ZCCHC14: variants seen among roughly 807,000 people sequenced by gnomAD.
ZCCHC14 encodes zinc finger CCHC domain-containing protein 14.
In ZCCHC14, 16 loss-of-function variants were observed where a neutral mutation model predicts 85.0. That is an observed-to-expected ratio of 0.19 (90% confidence interval 0.13 to 0.29). The LOEUF (loss-of-function observed/expected upper bound fraction) is 0.29. Ranked by LOEUF, ZCCHC14 falls within the 10% of genes least tolerant of loss-of-function variation. The probability of loss-of-function intolerance (pLI) is 1.00; values close to 1 mark genes in which losing one functional copy is unlikely to be tolerated. For missense variants in ZCCHC14, 1,303 were observed against 1,443.5 expected, an observed-to-expected ratio of 0.90 and a Z score of 1.58; for synonymous variants, 775 against 630.7, an observed-to-expected ratio of 1.23 and a Z score of -3.43.
At chr16:87,441,288 G>A (rs902685741) in intron 2 of ZCCHC14, among the ~76,000 whole-genome samples, 8 of 152,262 alleles carry the variant, frequency 5.3e-5, no homozygotes, top group South Asian at 2.1e-4. Context: ...CACCATGCCC[G>A]GCCTCCCATA....
intron 4 of ZCCHC14, among the ~76,000 whole-genome samples, chr16:87,421,866 C>T (rs1331586133): frequency 6.6e-6 from 1 of 152,046 alleles, no homozygotes; most frequent in Non-Finnish European, 1.5e-5. Flanking sequence ...ATAAATCTCG[C>T]TCTCCTCCGG....
intron 2 of ZCCHC14, among the ~76,000 whole-genome samples, chr16:87,435,723 C>G (rs1047760305): frequency 6.6e-6 from 1 of 152,266 alleles, no homozygotes. Context: ...GTGCATCTCA[C>G]GGATGCGGGA....
chr16:87,463,277 G>T (rs976786254), intron 1 of ZCCHC14, among the ~76,000 whole-genome samples: 3 of 152,116 alleles, frequency 2.0e-5, no homozygotes, highest in Admixed American at 1.3e-4. Flanking sequence ...AACTACTTGG[G>T]AGGCTAAGGT....
Position 87,411,499 on chromosome 16 carries a change from C to A in ZCCHC14, c.3205+17G>T, listed in dbSNP as rs757110328. On this transcript the variant is annotated intron_variant, in intron 12 of 12. Transcript: ENST00000671377. ...TCCTGCGGGAGCCTGGTGGGCGCGG[C>A]CATGGCGCGCGCTTACCTGGCCGGT... 6.2e-7 allele frequency: 1 copy of A among 1,612,478 alleles called. No homozygotes were observed. Among genetic ancestry groups the A allele is most frequent in the Non-Finnish European group, 8.5e-7 (1 of 1,179,628 alleles).
chr16:87,476,261 T>C (rs537504424), intron 1 of ZCCHC14, among the ~76,000 whole-genome samples: 2 of 152,218 alleles, frequency 1.3e-5, no homozygotes, highest in Admixed American at 6.5e-5. Context: ...ACAAACTGGA[T>C]CGGTAAGGAA....
At chr16:87,426,553 T>C (rs1909381487) in intron 3 of ZCCHC14, among the ~76,000 whole-genome samples, 1 of 152,176 alleles carries the variant, frequency 6.6e-6, no homozygotes, top group Non-Finnish European at 1.5e-5. Flanking sequence ...CACTGTGGAC[T>C]GGCTCTGAAC....
intron 1 of ZCCHC14, among the ~76,000 whole-genome samples, chr16:87,464,330 C>T (rs979220135): frequency 2.0e-5 from 3 of 152,158 alleles, no homozygotes; most frequent in Admixed American, 6.5e-5. Context: ...TTTCTGGAAA[C>T]GGGGCTTCTT....
chr16:87,478,756 G>A (rs1276567311), intron 1 of ZCCHC14, among the ~76,000 whole-genome samples: 3 of 151,994 alleles, frequency 2.0e-5, no homozygotes, highest in African/African-American at 7.2e-5. Context: ...ACAGGCGCCC[G>A]CCACCACGCC....
At chr16:87,479,254 A>G (rs1912159745) in intron 1 of ZCCHC14, among the ~76,000 whole-genome samples, 1 of 151,984 alleles carries the variant, frequency 6.6e-6, no homozygotes, top group Non-Finnish European at 1.5e-5. Flanking sequence ...TGTCTCTACT[A>G]AAAATACAAA....
intron 1 of ZCCHC14, among the ~76,000 whole-genome samples, chr16:87,465,437 T>C (rs1017810123): frequency 2.6e-5 from 4 of 152,202 alleles, no homozygotes; most frequent in African/African-American, 9.7e-5. Flanking sequence ...TACAAAGCGC[T>C]AACCCAGGAA....
chr16:87,460,632 G>A (rs1597438998), intron 1 of ZCCHC14, among the ~76,000 whole-genome samples: 2 of 152,274 alleles, frequency 1.3e-5, no homozygotes, highest in East Asian at 1.9e-4. Flanking sequence ...AGGGGCTGCA[G>A]TGAGCCAAGA....
intron 2 of ZCCHC14, among the ~76,000 whole-genome samples, chr16:87,441,956 T>C (rs529005866): frequency 6.6e-6 from 1 of 152,364 alleles, no homozygotes; most frequent in East Asian, 1.9e-4. Context: ...CTGCCTTTTC[T>C]TCTCTCTGTC....
chr16:87,424,304 C>G (rs1278575540), intron 3 of ZCCHC14, among the ~76,000 whole-genome samples: 1 of 152,176 alleles, frequency 6.6e-6, no homozygotes, highest in Non-Finnish European at 1.5e-5. Flanking sequence ...CCGTGGTGCG[C>G]CCGCCCAGGT....
At chr16:87,462,373 G>A (rs1393348225) in intron 1 of ZCCHC14, among the ~76,000 whole-genome samples, 2 of 152,200 alleles carry the variant, frequency 1.3e-5, no homozygotes, top group African/African-American at 2.4e-5. Context: ...TCTTACACAA[G>A]GAGATTTTTA....
intron 2 of ZCCHC14, among the ~76,000 whole-genome samples, chr16:87,435,667 G>C (rs546048256): frequency 2.0e-5 from 3 of 152,382 alleles, no homozygotes; most frequent in African/African-American, 4.8e-5. Context: ...ACGAGGCAGC[G>C]GGCGCTGCGC....
At chr16:87,413,635 C>T (rs2150722031) in intron 10 of ZCCHC14, among the ~76,000 whole-genome samples, 1 of 152,274 alleles carries the variant, frequency 6.6e-6, no homozygotes, top group African/African-American at 2.4e-5. Flanking sequence ...AACCCGGCTC[C>T]TCTTGTGAGA....
At chr16:87,462,714 T>G (rs2150761513) in intron 1 of ZCCHC14, among the ~76,000 whole-genome samples, 1 of 148,078 alleles carries the variant, frequency 6.8e-6, no homozygotes, top group South Asian at 2.1e-4. Flanking sequence ...CACTCCAGCC[T>G]GGGCGACAGA....
intron 3 of ZCCHC14, among the ~76,000 whole-genome samples, chr16:87,430,506 C>T (rs918654936): frequency 6.6e-6 from 1 of 151,752 alleles, no homozygotes; most frequent in African/African-American, 2.4e-5. Context: ...TTCCATATCA[C>T]TTTAACTTGA....
chr16:87,427,045 G>GGAA (rs1909408161), intron 3 of ZCCHC14, among the ~76,000 whole-genome samples: 1 of 152,228 alleles, frequency 6.6e-6, no homozygotes, highest in Admixed American at 6.5e-5. Flanking sequence ...AGCCAACAGG[G>GGAA]GAAGATGTGG....
Sources: allele counts gnomAD v4.1 joint callset (sites outside exome capture counted in the v4.1 genomes callset), GRCh38; gene constraint gnomAD v4.1.1; transcripts MANE v1.5; gene names NCBI Gene and HGNC (gene_info 2026-07-23, HGNC 2026-07-21).